MAGI2: variants seen among roughly 807,000 people sequenced by gnomAD.
MAGI2 encodes the protein membrane-associated guanylate kinase, WW and PDZ domain-containing protein 2.
In MAGI2, 35 loss-of-function variants were observed where a neutral mutation model predicts 133.3. The ratio of observed to expected loss-of-function variants is 0.26; its 90% CI spans 0.20 to 0.35. MAGI2 has a LOEUF of 0.35. MAGI2 is among the 10% of genes least tolerant of loss of function. MAGI2 has a pLI of 1.00. For synonymous variants in MAGI2, 729 were observed against 710.6 expected (o/e 1.03, Z -0.41); for missense variants, 1,636 against 1,863.4 (o/e 0.88, Z 2.25).
intron 2 of MAGI2, among the ~76,000 whole-genome samples, chr7:78,693,560 C>T (rs893884263): frequency 2.0e-5 from 3 of 152,150 alleles, no homozygotes; most frequent in African/African-American, 7.2e-5. Flanking sequence ...TTCAACTCCT[C>T]ACTATTTGCT....
intron 1 of MAGI2, among the ~76,000 whole-genome samples, chr7:79,380,378 C>T (rs184101502): frequency 1.2e-4 from 18 of 151,890 alleles, no homozygotes; most frequent in African/African-American, 4.3e-4. Context: ...AACAACAATG[C>T]TGCATATTTT....
At chr7:78,914,000 G>C (rs1358420630) in intron 2 of MAGI2, among the ~76,000 whole-genome samples, 1 of 152,040 alleles carries the variant, frequency 6.6e-6, no homozygotes, top group Non-Finnish European at 1.5e-5. Context: ...GGAAAGCTTG[G>C]GAAATATCAC....
intron 1 of MAGI2, among the ~76,000 whole-genome samples, chr7:79,095,914 T>G (rs1221370820): frequency 6.6e-6 from 1 of 152,028 alleles, no homozygotes; most frequent in Admixed American, 6.6e-5. Context: ...CCACAAACCT[T>G]CAATCTGTAA....
intron 3 of MAGI2, among the ~76,000 whole-genome samples, chr7:78,626,191 T>C (rs561729795): frequency 7.2e-5 from 11 of 152,298 alleles, no homozygotes; most frequent in African/African-American, 2.6e-4. Flanking sequence ...AACTTAATAA[T>C]AGCATCTGTA....
chr7:78,817,102 G>A (rs1227876388), intron 2 of MAGI2, among the ~76,000 whole-genome samples: 1 of 152,140 alleles, frequency 6.6e-6, no homozygotes, highest in Non-Finnish European at 1.5e-5. Flanking sequence ...GACTTTTAGG[G>A]GTTCAAGATT....
intron 4 of MAGI2, among the ~76,000 whole-genome samples, chr7:78,507,933 T>C (rs368319223): frequency 6.6e-6 from 1 of 152,234 alleles, no homozygotes; most frequent in Non-Finnish European, 1.5e-5. Context: ...TAGATATTTA[T>C]TGTCTTACAT....
intron 21 of MAGI2, among the ~76,000 whole-genome samples, chr7:78,070,270 T>C (rs2151161934): frequency 6.8e-6 from 1 of 147,706 alleles, no homozygotes; most frequent in Non-Finnish European, 1.5e-5. Context: ...TTTATCATTT[T>C]CTATTACGCA....
chr7:79,442,528 A>G (rs1406763335), intron 1 of MAGI2, among the ~76,000 whole-genome samples: 1 of 151,366 alleles, frequency 6.6e-6, no homozygotes, highest in African/African-American at 2.4e-5. Flanking sequence ...GTTGTTCACT[A>G]GGGTGACTCC....
chr7:78,674,263 G>A (rs1814740836), intron 2 of MAGI2, among the ~76,000 whole-genome samples: 1 of 150,572 alleles, frequency 6.6e-6, no homozygotes, highest in Non-Finnish European at 1.5e-5. Flanking sequence ...TGATCATGCA[G>A]CAGAGTGTTT....
At chr7:78,889,715 C>T (rs1394079929) in intron 2 of MAGI2, among the ~76,000 whole-genome samples, 1 of 152,112 alleles carries the variant, frequency 6.6e-6, no homozygotes, top group Non-Finnish European at 1.5e-5. Context: ...CCCTAAAAGA[C>T]CTCCTGAAGG....
chr7:78,579,492 AG>A (rs1802621023), intron 3 of MAGI2, among the ~76,000 whole-genome samples: 1 of 152,192 alleles, frequency 6.6e-6, no homozygotes, highest in African/African-American at 2.4e-5. Flanking sequence ...CCCTTCTACC[AG>A]GGAGAACAAA....
intron 10 of MAGI2, among the ~76,000 whole-genome samples, chr7:78,201,545 C>T (rs1389290415): frequency 6.6e-6 from 1 of 152,168 alleles, no homozygotes; most frequent in Non-Finnish European, 1.5e-5. Flanking sequence ...AGGATATTGA[C>T]ATACATTTTG....
intron 2 of MAGI2, among the ~76,000 whole-genome samples, chr7:78,663,202 C>CTTT (rs35544274): frequency 4.6e-5 from 5 of 109,228 alleles, no homozygotes; most frequent in African/African-American, 1.0e-4. Flanking sequence ...TGTACCAACT[C>CTTT]TTTTTTTTTT....
intron 6 of MAGI2, among the ~76,000 whole-genome samples, chr7:78,478,000 T>A (rs1230415326): frequency 6.6e-6 from 1 of 151,810 alleles, no homozygotes; most frequent in Admixed American, 6.6e-5. Flanking sequence ...GGTAGACACA[T>A]GTCATGGTGG....
intron 3 of MAGI2, among the ~76,000 whole-genome samples, chr7:78,556,654 G>A (rs1333213095): frequency 1.3e-5 from 2 of 152,100 alleles, no homozygotes; most frequent in South Asian, 2.1e-4. Flanking sequence ...ACAAGCAACC[G>A]TTTTGCTCAC....
At chr7:78,351,019 G>C (rs987939354) in intron 7 of MAGI2, among the ~76,000 whole-genome samples, 1 of 152,184 alleles carries the variant, frequency 6.6e-6, no homozygotes, top group Non-Finnish European at 1.5e-5. Flanking sequence ...ATGTGGAAGA[G>C]AGAAGGGAGC....
intron 21 of MAGI2, among the ~76,000 whole-genome samples, chr7:78,068,451 G>A (rs763646678): frequency 4.6e-5 from 7 of 152,078 alleles, no homozygotes; most frequent in Non-Finnish European, 7.4e-5. Context: ...ATAACAATGT[G>A]TCAATGTAGG....
intron 2 of MAGI2, among the ~76,000 whole-genome samples, chr7:78,977,882 C>A (rs1804433506): frequency 6.6e-6 from 1 of 151,698 alleles, no homozygotes; most frequent in Admixed American, 6.6e-5. Context: ...GGCAAAACAC[C>A]TAAACAGATA....
chr7:79,439,684 T>C (rs898349392), intron 1 of MAGI2, among the ~76,000 whole-genome samples: 1 of 152,210 alleles, frequency 6.6e-6, no homozygotes, highest in Non-Finnish European at 1.5e-5. Flanking sequence ...AATAATTATT[T>C]ATTCAATTAA....
Sources: allele counts gnomAD v4.1 joint callset (sites outside exome capture counted in the v4.1 genomes callset), GRCh38; gene constraint gnomAD v4.1.1; transcripts MANE v1.5; gene names NCBI Gene and HGNC (gene_info 2026-07-23, HGNC 2026-07-21).